KIF1B: variants seen among roughly 807,000 people sequenced by gnomAD.
KIF1B encodes kinesin-like protein KIF1B.
Under a neutral mutation model 241.9 loss-of-function variants are expected in KIF1B, and 76 were observed. That is an observed-to-expected ratio of 0.31 (90% CI 0.26 to 0.38). KIF1B has a LOEUF of 0.38. Ranked by LOEUF, KIF1B falls within the 10% of genes least tolerant of loss-of-function variation. The pLI is 1.00. For synonymous variants in KIF1B, 750 were observed against 796.7 expected (o/e 0.94, Z 0.99); for missense variants, 1,622 against 2,271.4 (o/e 0.71, Z 5.81).
At chr1:10,307,780 T>C in intron 22 of KIF1B, 1 of 1,037,832 alleles carries the variant, frequency 9.6e-7, no homozygotes, top group Non-Finnish European at 1.2e-6. Context: ...CCGACATTAA[T>C]GGGAATATAG....
chr1:10,355,204 A>C (rs1652932511), intron 38 of KIF1B, among the ~76,000 whole-genome samples: 1 of 152,192 alleles, frequency 6.6e-6, no homozygotes, highest in African/African-American at 2.4e-5. Context: ...TAAGTCCTCT[A>C]TGGAATTGTG....
At position 10,365,359 on chromosome 1, in the gene KIF1B, G is replaced by A. The variant is rs770719323; in HGVS notation, c.4513-50G>A. On this transcript the variant is annotated intron_variant, in intron 42 of 48. Transcript: ENST00000676179. This position sits in a 1 kb window ranked among gnomAD's most constrained non-coding sequence, Gnocchi z 4.0. ...ATAGCTTTTCACTTTTCTCTCCTGAGGTCTTAACGAGCTTTGTGTTTGCTA... is the reference window on the plus strand; with the variant it reads ...ATAGCTTTTCACTTTTCTCTCCTGAAGTCTTAACGAGCTTTGTGTTTGCTA... The A allele has an allele frequency of 2.6e-5, 42 of 1,614,014 alleles. No individual in the cohort carries two copies. The East Asian group carries it at 8.9e-4, about 34-fold the overall frequency.
chr1:10,271,370 C>A, intron 7 of KIF1B, 132 bp from the exon 8 acceptor site: 1 of 751,606 alleles, frequency 1.3e-6, no homozygotes, highest in Non-Finnish European at 2.4e-6. Flanking sequence ...TCTTTTTGTG[C>A]CATATTTAAA....
chr1:10,307,575 G>A lies in KIF1B; in HGVS notation c.2115+10329G>A, dbSNP rs193222943. 2.1e-5 allele frequency: 20 copies of A among 961,742 alleles called. 1 individual carries two copies. In the South Asian group the frequency reaches 8.8e-4, roughly 42 times the overall value. The allele number at this position is 961,742 out of a possible 1,614,324, so 59.6% of individuals were successfully genotyped here. Reference sequence around the variant, plus strand: ...TCCACCTGCCTTGGCCTCCCAAAGTGCTGAGATTACAGGCGTGAGCCACCG... The same window carrying A: ...TCCACCTGCCTTGGCCTCCCAAAGTACTGAGATTACAGGCGTGAGCCACCG... On this transcript the variant is annotated intron_variant, in intron 22 of 48. Transcript: ENST00000676179.
chr1:10,232,333 C>T lies in KIF1B; in HGVS notation c.5C>T (p.Ser2Leu), dbSNP rs1272900057. 20 of 1,609,574 alleles carry T rather than the reference C, an allele frequency of 1.2e-5. No individual in the cohort carries two copies. Among genetic ancestry groups the T allele is most frequent in the East Asian group, 8.9e-5 (4 of 44,876 alleles). The change falls in exon 2 of 49, where the codon TCG becomes TTG. Residue 2 changes from serine to leucine, a missense_variant. This residue lies in a region of KIF1B where 156 missense variants were observed against 244.8 expected (regional missense o/e 0.64). Transcript: ENST00000676179. The part of the protein sequence containing the change: M[S>L]GASVKVAVRV... ...ATATATAACAAGGCCATTAAAATGT[C>T]GGGAGCCTCAGTGAAGGTGGCTGTC...
At chr1:10,247,774 C>T (rs979753438) in intron 2 of KIF1B, among the ~76,000 whole-genome samples, 1 of 152,204 alleles carries the variant, frequency 6.6e-6, no homozygotes, top group Admixed American at 6.5e-5. Flanking sequence ...GCCTCTACAG[C>T]AGTGGTCCCC....
At chr1:10,352,556 C>T in intron 37 of KIF1B, 75 bp from the exon 38 acceptor site, 3 of 1,299,308 alleles carry the variant, frequency 2.3e-6, no homozygotes, top group Non-Finnish European at 3.3e-6. Flanking sequence ...ATTTAAAAGT[C>T]TCTTTTGGGC....
chr1:10,326,296 A>G lies in KIF1B; in HGVS notation c.2861A>G (p.Asp954Gly), dbSNP rs1461098448. 1 of 1,614,156 alleles carries G rather than the reference A, an allele frequency of 6.2e-7. No individual in the cohort carries two copies. The highest frequency in any genetic ancestry group is 2.2e-5 in the East Asian group (1 of 44,878). The part of the protein sequence containing the change: ...GSDAGTEEGS[D>G]LFSDGHDPFY... ...GACGCAGGGACGGAGGAGGGATCAG[A>G]TCTCTTCAGTGACGGGCATGACCCG... Residue 954 changes from aspartate to glycine, a missense_variant, in exon 27 of 49, where the codon GAT becomes GGT. Asp to Gly is a moderately conservative substitution (Grantham distance 94). Transcript: ENST00000676179. The surrounding 1 kb of genome is among the most constrained non-coding windows in gnomAD (Gnocchi z 5.2).
At chr1:10,325,996 T>A in intron 26 of KIF1B, 115 bp from the exon 27 acceptor site, 1 of 1,380,278 alleles carries the variant, frequency 7.2e-7, no homozygotes, top group Non-Finnish European at 1.0e-6. Flanking sequence ...TTCCATTTGC[T>A]TTTATTGTGT....
rs192290688 is a variant in KIF1B, at chr1:10,301,481, C to G, written c.2115+4235C>G. Reference sequence around the variant, plus strand: ...AGGAGTTCAAGACCAGCCGGGCCAACATGGTGAAACCCCATCTCTACCAAA... The same window carrying G: ...AGGAGTTCAAGACCAGCCGGGCCAAGATGGTGAAACCCCATCTCTACCAAA... On this transcript the variant is annotated intron_variant, in intron 22 of 48. Transcript: ENST00000676179. Among the ~76,000 whole-genome samples, 373 of 152,156 alleles carry G rather than the reference C, an allele frequency of 2.5e-3. 4 individuals carry two copies. The highest frequency in any genetic ancestry group is 3.4e-3 in the Non-Finnish European group (234 of 68,014).
chr1:10,268,819 A>G (rs771373415), intron 7 of KIF1B, among the ~76,000 whole-genome samples: 2 of 152,038 alleles, frequency 1.3e-5, no homozygotes, highest in South Asian at 2.1e-4. Flanking sequence ...CTTGCTTTGA[A>G]TTCTGATTCT....
At chr1:10,371,518 A>G (rs182588291) in intron 45 of KIF1B, among the ~76,000 whole-genome samples, 1 of 152,088 alleles carries the variant, frequency 6.6e-6, no homozygotes, top group African/African-American at 2.4e-5. Context: ...TGCTAGTTTT[A>G]TCCTCCATTC....
At chr1:10,274,824 G>A (rs74051818) in intron 10 of KIF1B, 2,688 of 239,082 alleles carry the variant, frequency 0.011, 85 homozygotes, top group African/African-American at 0.06. Flanking sequence ...ATTTGATGAT[G>A]TTAGGGAATT....
intron 34 of KIF1B, chr1:10,345,521 C>T (rs1464351695): frequency 2.6e-5 from 9 of 346,418 alleles, no homozygotes; most frequent in Non-Finnish European, 5.0e-5. Flanking sequence ...CCATGCTTTA[C>T]GTGTCACACA....
At chr1:10,336,606 T>G in intron 28 of KIF1B, 51 bp from the exon 29 acceptor site, 1 of 1,400,764 alleles carries the variant, frequency 7.1e-7, no homozygotes, top group South Asian at 1.2e-5. Context: ...TTTCCCTCCC[T>G]CCCCCTGTGT....
At position 10,304,271 on chromosome 1, in the gene KIF1B, A is replaced by G. The variant is rs779749818; in HGVS notation, c.2115+7025A>G. 3.7e-6 allele frequency: 6 copies of G among 1,614,204 alleles called. No homozygotes were observed. In the South Asian group the frequency reaches 5.5e-5, roughly 15 times the overall value. ...GGCTCTCAAGGAATGAGAAGTCAAG[A>G]TCACATCCAAGTTAGCAAGCAGCAC... On this transcript the variant is annotated intron_variant, in intron 22 of 48. Transcript: ENST00000676179.
chr1:10,355,597 C>A (rs58284848), intron 38 of KIF1B, among the ~76,000 whole-genome samples: 4,067 of 152,188 alleles, frequency 0.027, 205 homozygotes, highest in African/African-American at 0.092. Flanking sequence ...TTTTTTCATT[C>A]CATTTGCTAA....
At chr1:10,282,285 C>T (rs558257804) in intron 14 of KIF1B, 37 bp from the exon 15 acceptor site, 5 of 1,528,096 alleles carry the variant, frequency 3.3e-6, no homozygotes, top group Admixed American at 3.4e-5. Flanking sequence ...TTCCCTTTTC[C>T]CTACTTTTCC....
At position 10,374,582 on chromosome 1, in the gene KIF1B, G is replaced by C; in HGVS notation, c.5096+117G>C. 7.8e-7 allele frequency: 1 copy of C among 1,274,518 alleles called. No homozygotes were observed. The allele number at this position is 1,274,518 out of a possible 1,614,324, so 79.0% of individuals were successfully genotyped here. A position where few individuals can be genotyped will look rare whatever the true frequency, so the allele number is the denominator to read the frequency against. ...GTAGTCTGATGCAATCTGTACTGTA[G>C]TCTGATGCAAGTTGAGTCTGGGGTG... On this transcript the variant is annotated intron_variant, in intron 46 of 48. Transcript: ENST00000676179. The surrounding 1 kb of genome is among the most constrained non-coding windows in gnomAD (Gnocchi z 4.3).
Sources: allele counts gnomAD v4.1 joint callset (sites outside exome capture counted in the v4.1 genomes callset), GRCh38; gene constraint gnomAD v4.1.1; regional missense constraint gnomAD v4.1.1; non-coding constraint Gnocchi (gnomAD v3.1); transcripts MANE v1.5; gene names NCBI Gene and HGNC (gene_info 2026-07-23, HGNC 2026-07-21).